LINGO2: variants seen among roughly 807,000 people sequenced by gnomAD.
The protein encoded by LINGO2 is leucine rich repeat and Ig domain containing 2, also known as leucine-rich repeat and immunoglobulin-like domain-containing nogo receptor-interacting protein 2.
In LINGO2, 14 loss-of-function variants were observed where a neutral mutation model predicts 30.6. The ratio of observed to expected loss-of-function variants is 0.46; its 90% CI spans 0.30 to 0.72. LINGO2 has a LOEUF of 0.72. LINGO2 is among the 30% of genes least tolerant of loss of function. The pLI, the probability that LINGO2 is intolerant of heterozygous loss-of-function variation, is 0.07. For synonymous variants in LINGO2, 317 were observed against 288.5 expected, an observed-to-expected ratio of 1.10 and a Z score of -1.00; for missense variants, 729 against 751.7, an observed-to-expected ratio of 0.97 and a Z score of 0.35.
At position 27,949,899 on chromosome 9, in the gene LINGO2, T is replaced by C. The variant is rs778495456; in HGVS notation, c.773A>G (p.Asn258Ser). The C allele has an allele frequency of 6.2e-7, 1 of 1,613,984 alleles. No individual in the cohort carries two copies. The change falls in exon 6 of 6, where the codon AAC (asparagine) becomes AGC (serine). Residue 258 changes from asparagine (N) to serine (S), a missense_variant. By Grantham distance (46) the Asn-to-Ser change is conservative. Transcript: ENST00000379992. ...GAAGGGTACAGTAGACAGATTGGTG[T>C]TGGTGACTGAAAGGGATGTGAGGTT...
At chr9:28,663,951 G>A (rs770497864) in intron 1 of LINGO2, among the ~76,000 whole-genome samples, 9 of 152,030 alleles carry the variant, frequency 5.9e-5, no homozygotes, top group Non-Finnish European at 1.3e-4. Flanking sequence ...AGTTATTTAA[G>A]TCCCTTATTA....
chr9:28,367,000 C>G (rs1341706532), intron 3 of LINGO2, among the ~76,000 whole-genome samples: 1 of 151,736 alleles, frequency 6.6e-6, no homozygotes, highest in East Asian at 1.9e-4. Context: ...TTATCTTTCT[C>G]ATCGATTTCC....
chr9:28,168,755 G>C lies in LINGO2; in HGVS notation c.-87+126453C>G, dbSNP rs1443785341. 3.9e-5 allele frequency among the ~76,000 whole-genome samples: 6 copies of C among 152,298 alleles called. No homozygotes were observed. The East Asian group carries it at 1.2e-3, about 29-fold the overall frequency. On this transcript the variant is annotated intron_variant, in intron 4 of 5. Coordinates refer to ENST00000379992, the Ensembl canonical transcript of LINGO2. ...GATTTGTGGAACCTAAATTGTATTA[G>C]GGTCCTTGTAACACGCATGTATTAC...
chr9:28,474,858 A>G (rs1412699943), intron 2 of LINGO2, among the ~76,000 whole-genome samples: 1 of 152,210 alleles, frequency 6.6e-6, no homozygotes, highest in Non-Finnish European at 1.5e-5. Flanking sequence ...ATATTGGGAG[A>G]AAGTATGAAA....
intron 4 of LINGO2, among the ~76,000 whole-genome samples, chr9:28,237,117 CG>C (rs35883848): frequency 0.31 from 35,192 of 112,894 alleles, 5,248 homozygotes; most frequent in South Asian, 0.47. Flanking sequence ...TTAAACAGTG[CG>C]GGGGGGGGGT....
chr9:29,091,044 G>A, the LINGO2 span, among the ~76,000 whole-genome samples: 4 of 151,938 alleles, frequency 2.6e-5, no homozygotes, highest in Non-Finnish European at 2.9e-5. Context: ...CCCAGTTAAG[G>A]TAATCATGAA....
the LINGO2 span, among the ~76,000 whole-genome samples, chr9:28,688,102 C>T: frequency 9.8e-5 from 15 of 152,292 alleles, no homozygotes; most frequent in Non-Finnish European, 1.8e-4. Flanking sequence ...CCCCTATTTA[C>T]ACATATGATA....
At position 28,506,479 on chromosome 9, in the gene LINGO2, C is replaced by CAGACAT. The variant is rs1260518228; in HGVS notation, c.-364-30455_-364-30454insATGTCT. Among the ~76,000 whole-genome samples, 33 of 11,336 alleles carry CAGACAT rather than the reference C, an allele frequency of 2.9e-3. 6 individuals are homozygous for CAGACAT. Among genetic ancestry groups the CAGACAT allele is most frequent in the South Asian group, 0.011 (2 of 176 alleles). The allele number at this position is 11,336 out of a possible 152,430, so 7.4% of individuals were successfully genotyped here. On this transcript the variant is annotated intron_variant, in intron 1 of 5. Coordinates refer to ENST00000379992, the Ensembl canonical transcript of LINGO2. ...ACATACACATACACACACACACACA[C>CAGACAT]ATACACATACACACACACACACAGA... is the stretch of plus-strand genomic sequence containing the variant.
At chr9:28,819,532 G>A in the LINGO2 span, among the ~76,000 whole-genome samples, 2 of 152,048 alleles carry the variant, frequency 1.3e-5, no homozygotes, top group Admixed American at 1.3e-4. Context: ...CTCCTAGTTG[G>A]TAGGAGTTTC....
intron 2 of LINGO2, among the ~76,000 whole-genome samples, chr9:28,436,448 T>G (rs995080427): frequency 1.3e-5 from 2 of 149,846 alleles, no homozygotes; most frequent in Non-Finnish European, 3.0e-5. Flanking sequence ...ATTTATTTAT[T>G]TATTTATTTA....
At chr9:28,906,322 G>A in the LINGO2 span, among the ~76,000 whole-genome samples, 1 of 151,846 alleles carries the variant, frequency 6.6e-6, no homozygotes, top group Non-Finnish European at 1.5e-5. Flanking sequence ...CAAAAAGTAA[G>A]TATGTGAGTT....
At chr9:29,180,400 T>C in the LINGO2 span, among the ~76,000 whole-genome samples, 2 of 152,216 alleles carry the variant, frequency 1.3e-5, no homozygotes, top group Non-Finnish European at 2.9e-5. Context: ...GTTGAATGTA[T>C]ATCCTTCTAC....
chr9:28,049,406 A>ATATGCACATC (rs1824568495), intron 4 of LINGO2, among the ~76,000 whole-genome samples: 1 of 150,778 alleles, frequency 6.6e-6, no homozygotes, highest in Non-Finnish European at 1.5e-5. Context: ...GCAGGTAATA[A>ATATGCACATC]AACATATTAG....
intron 5 of LINGO2, among the ~76,000 whole-genome samples, chr9:28,004,205 A>G (rs541206746): frequency 6.6e-6 from 1 of 152,224 alleles, no homozygotes; most frequent in South Asian, 2.1e-4. Flanking sequence ...CTATATAATA[A>G]CAATTAATCA....
At chr9:29,121,759 C>A in the LINGO2 span, among the ~76,000 whole-genome samples, 1 of 152,020 alleles carries the variant, frequency 6.6e-6, no homozygotes, top group African/African-American at 2.4e-5. Context: ...TATTTCACTC[C>A]AGCTTCCCTT....
chr9:27,959,180 T>C (rs1819718477), intron 5 of LINGO2, among the ~76,000 whole-genome samples: 1 of 152,188 alleles, frequency 6.6e-6, no homozygotes, highest in Non-Finnish European at 1.5e-5. Flanking sequence ...TTGAGAAATC[T>C]AGAATTTTTT....
At chr9:28,839,423 G>T in the LINGO2 span, among the ~76,000 whole-genome samples, 1 of 152,074 alleles carries the variant, frequency 6.6e-6, no homozygotes, top group South Asian at 2.1e-4. Context: ...CAGTGGAAAG[G>T]AGATCCAGAG....
chr9:29,182,231 A>G, the LINGO2 span, among the ~76,000 whole-genome samples: 1 of 152,170 alleles, frequency 6.6e-6, no homozygotes, highest in Non-Finnish European at 1.5e-5. Flanking sequence ...ATCACAGGGA[A>G]CGTAACTTTT....
chr9:28,982,113 T>C, the LINGO2 span, among the ~76,000 whole-genome samples: 5 of 152,114 alleles, frequency 3.3e-5, no homozygotes, highest in African/African-American at 1.2e-4. Flanking sequence ...AACTGGCATA[T>C]ATACTTTAAA....
Sources: allele counts gnomAD v4.1 joint callset (sites outside exome capture counted in the v4.1 genomes callset), GRCh38; gene constraint gnomAD v4.1.1; transcripts MANE v1.5; gene names NCBI Gene and HGNC (gene_info 2026-07-23, HGNC 2026-07-21).